COMMD10: variants seen among roughly 807,000 people sequenced by gnomAD.
COMMD10 encodes the protein COMM domain containing 10.
A neutral mutation model predicts 28.9 loss-of-function variants in COMMD10; 33 were observed. That is an observed-to-expected ratio of 1.14 (90% CI 0.87 to 1.53). COMMD10 has a LOEUF of 1.53. COMMD10 is among the 40% of genes most tolerant of loss of function. COMMD10 has a pLI of 0.00. For missense variants in COMMD10, 310 were observed against 233.4 expected (o/e 1.33, Z -2.14); for synonymous variants, 110 against 81.7 (o/e 1.35, Z -1.87).
At chr5:116,218,405 A>G (rs1316691901) in intron 5 of COMMD10, 1 of 472,562 alleles carries the variant, frequency 2.1e-6, no homozygotes, top group African/African-American at 2.0e-5. Context: ...TACTGCTCCA[A>G]ATCAACCACT....
chr5:116,291,157 G>A (rs2112718358), intron 5 of COMMD10, among the ~76,000 whole-genome samples: 1 of 152,266 alleles, frequency 6.6e-6, no homozygotes, highest in East Asian at 1.9e-4. Context: ...CAGTGTCTTT[G>A]TGTAATGGTA....
chr5:116,112,093 C>G (rs1007676205), intron 4 of COMMD10, among the ~76,000 whole-genome samples: 21 of 152,134 alleles, frequency 1.4e-4, no homozygotes, highest in African/African-American at 4.8e-4. Context: ...TCTTGTAGAG[C>G]TGGTCTACTT....
At chr5:116,189,489 C>T (rs1748274550) in intron 5 of COMMD10, among the ~76,000 whole-genome samples, 1 of 152,084 alleles carries the variant, frequency 6.6e-6, no homozygotes, top group Admixed American at 6.6e-5. Context: ...ATCTTGTTTC[C>T]CAAGTCTGTT....
chr5:116,179,379 G>C (rs933295979), intron 5 of COMMD10, among the ~76,000 whole-genome samples: 1 of 152,094 alleles, frequency 6.6e-6, no homozygotes, highest in Non-Finnish European at 1.5e-5. Flanking sequence ...TACACTACTG[G>C]ATAATGTCAG....
At chr5:116,213,511 G>C (rs1749021151) in intron 5 of COMMD10, among the ~76,000 whole-genome samples, 1 of 152,114 alleles carries the variant, frequency 6.6e-6, no homozygotes, top group South Asian at 2.1e-4. Context: ...TCCTGAAATT[G>C]TCTGCCACAT....
rs77159147 is a variant in COMMD10, at chr5:116,172,227, A to G, written c.510+38049A>G. On this transcript the variant is annotated intron_variant, in intron 5 of 6. Coordinates refer to ENST00000274458, the MANE Select transcript of COMMD10 (RefSeq NM_016144.4). ...ATGGCAAGATTTTATTTAATATGTA[A>G]GGCTGGAGGGAGGTGTGAGAGGAAA... is the stretch of plus-strand genomic sequence containing the variant. Among the ~76,000 whole-genome samples, 720 of 152,244 alleles carry G rather than the reference A, an allele frequency of 4.7e-3. 5 individuals are homozygous for G. Among genetic ancestry groups the G allele is most frequent in the African/African-American group, 0.015 (611 of 41,556 alleles).
intron 5 of COMMD10, among the ~76,000 whole-genome samples, chr5:116,208,016 T>G (rs1357406512): frequency 6.6e-6 from 1 of 152,124 alleles, no homozygotes; most frequent in Non-Finnish European, 1.5e-5. Flanking sequence ...GCTCCTGAAT[T>G]GCAATGCCTG....
At chr5:116,220,060 C>A (rs10054625) in intron 5 of COMMD10, among the ~76,000 whole-genome samples, 1 of 145,128 alleles carries the variant, frequency 6.9e-6, no homozygotes, top group South Asian at 2.1e-4. Flanking sequence ...GTTATTCTAA[C>A]CTTGAAAGTC....
intron 5 of COMMD10, among the ~76,000 whole-genome samples, chr5:116,279,952 C>G (rs370947157): frequency 1.3e-5 from 2 of 151,914 alleles, no homozygotes; most frequent in East Asian, 3.9e-4. Flanking sequence ...AGTAATTGTG[C>G]AAACTGATTA....
chr5:116,116,829 C>A (rs769598021), intron 4 of COMMD10, among the ~76,000 whole-genome samples: 6 of 152,040 alleles, frequency 3.9e-5, no homozygotes, highest in Non-Finnish European at 8.8e-5. Context: ...CGCCATTCTC[C>A]TGCCTCAGCC....
At chr5:116,182,401 A>T (rs1747998864) in intron 5 of COMMD10, among the ~76,000 whole-genome samples, 1 of 151,928 alleles carries the variant, frequency 6.6e-6, no homozygotes, top group African/African-American at 2.4e-5. Context: ...TGAAATGGGG[A>T]AGAGGTGTGG....
At chr5:116,132,122 A>C (rs1398067713) in intron 4 of COMMD10, among the ~76,000 whole-genome samples, 2 of 152,024 alleles carry the variant, frequency 1.3e-5, no homozygotes, top group South Asian at 4.1e-4. Context: ...TAGTCTGGGA[A>C]TATGTGGATG....
intron 5 of COMMD10, among the ~76,000 whole-genome samples, chr5:116,228,874 A>G (rs1314622992): frequency 6.6e-6 from 1 of 152,058 alleles, no homozygotes; most frequent in Non-Finnish European, 1.5e-5. Context: ...ACTGAAATAA[A>G]TAAGCATTGA....
intron 5 of COMMD10, among the ~76,000 whole-genome samples, chr5:116,179,780 A>C (rs956028987): frequency 6.6e-6 from 1 of 152,142 alleles, no homozygotes; most frequent in African/African-American, 2.4e-5. Context: ...CTGGAAGGTC[A>C]GTGTGATGGT....
At chr5:116,246,095 C>T (rs967864784) in intron 5 of COMMD10, among the ~76,000 whole-genome samples, 5 of 152,118 alleles carry the variant, frequency 3.3e-5, no homozygotes, top group African/African-American at 1.2e-4. Context: ...CACATAGTCT[C>T]AGCCAAAAGC....
chr5:116,113,834 A>T (rs1031367079), intron 4 of COMMD10, among the ~76,000 whole-genome samples: 1 of 151,314 alleles, frequency 6.6e-6, no homozygotes, highest in African/African-American at 2.4e-5. Context: ...TGTTCCTTTG[A>T]TGGTGTCATA....
At chr5:116,132,742 A>C (rs1201409679) in intron 4 of COMMD10, among the ~76,000 whole-genome samples, 1 of 152,170 alleles carries the variant, frequency 6.6e-6, no homozygotes. Context: ...ATGGGACTTG[A>C]TAATAGTGGC....
At chr5:116,190,988 T>G (rs1748351873) in intron 5 of COMMD10, among the ~76,000 whole-genome samples, 1 of 152,178 alleles carries the variant, frequency 6.6e-6, no homozygotes, top group Non-Finnish European at 1.5e-5. Flanking sequence ...TTTTCTACAT[T>G]TTACACCCTG....
intron 5 of COMMD10, among the ~76,000 whole-genome samples, chr5:116,154,121 C>T (rs1752628536): frequency 6.6e-6 from 1 of 152,080 alleles, no homozygotes; most frequent in South Asian, 2.1e-4. Context: ...CACCCAGCCT[C>T]AAGCTGCGTT....
Sources: gnomAD v4.1 joint callset for allele counts (sites outside exome capture counted in the v4.1 genomes callset) on GRCh38, gnomAD v4.1.1 for gene constraint, MANE v1.5 for transcripts, NCBI Gene and HGNC (gene_info 2026-07-23, HGNC 2026-07-21) for gene names.